The following AGAP1 variants were observed in gnomAD, a reference collection of about 807,000 sequenced individuals.
The protein encoded by AGAP1 is arf-GAP with GTPase, ANK repeat and PH domain-containing protein 1.
Under a neutral mutation model 105.3 loss-of-function variants are expected in AGAP1, and 29 were observed. That is an observed-to-expected ratio of 0.28 (90% CI 0.21 to 0.38). The LOEUF is 0.38. Among genes scored for constraint, AGAP1 ranks in the 10% least tolerant of loss-of-function variants. The pLI is 1.00. For synonymous variants in AGAP1, 509 were observed against 485.9 expected, an observed-to-expected ratio of 1.05 and a Z score of -0.63; for missense variants, 998 against 1,165.1, an observed-to-expected ratio of 0.86 and a Z score of 2.09.
rs1239057954 is a variant in AGAP1, at chr2:235,610,450, G to A, written c.164-98729G>A. Among the ~76,000 whole-genome samples, 1 of 152,152 alleles carries A rather than the reference G, an allele frequency of 6.6e-6. No individual in the cohort carries two copies. Among genetic ancestry groups the A allele is most frequent in the Non-Finnish European group, 1.5e-5 (1 of 68,032 alleles). The stretch of plus-strand genomic sequence containing the variant: ...TGGACTCTGGAGAGACTCTTGTCCT[G>A]ACTTCTAGATGTCTGCCTTCTTGCT... On this transcript the variant is annotated intron_variant, in intron 1 of 17. Coordinates refer to ENST00000304032, the MANE Select transcript of AGAP1 (RefSeq NM_001037131.3). This position sits in a 1 kb window ranked among gnomAD's most constrained non-coding sequence, Gnocchi z 4.9.
chr2:235,602,792 C>T (rs1459983693), intron 1 of AGAP1, among the ~76,000 whole-genome samples: 1 of 152,188 alleles, frequency 6.6e-6, no homozygotes, highest in East Asian at 1.9e-4. Flanking sequence ...ACCTCCGCCT[C>T]CTGGGTTCAA....
In AGAP1 at chr2:236,092,126, G is replaced by C. The variant is rs1410350086; in HGVS notation, c.2115-28066G>C. On this transcript the variant is annotated intron_variant, in intron 16 of 17. Transcript: ENST00000304032. The surrounding 1 kb of genome is among the most constrained non-coding windows in gnomAD (Gnocchi z 4.7). ...TTGTCCAGGGTTAGGGATGGAGAGG[G>C]TGGGTGAGGTTTTAGAAAGGCAACA... Among the ~76,000 whole-genome samples, 2 of 152,212 alleles carry C rather than the reference G, an allele frequency of 1.3e-5. No individual in the cohort carries two copies. The highest frequency in any genetic ancestry group is 2.9e-5 in the Non-Finnish European group (2 of 68,046).
intron 16 of AGAP1, among the ~76,000 whole-genome samples, chr2:236,115,167 G>A (rs985643567): frequency 1.3e-5 from 2 of 152,194 alleles, no homozygotes; most frequent in Admixed American, 1.3e-4. Context: ...CCGCTTCCAC[G>A]GGTGAGCTCC....
intron 9 of AGAP1, among the ~76,000 whole-genome samples, chr2:235,827,509 T>C (rs1188581332): frequency 6.6e-6 from 1 of 152,190 alleles, no homozygotes; most frequent in Non-Finnish European, 1.5e-5. Flanking sequence ...ATGGTTCACA[T>C]TGAGTAGGTG....
At chr2:235,897,686 C>T (rs2050871625) in intron 10 of AGAP1, among the ~76,000 whole-genome samples, 1 of 152,066 alleles carries the variant, frequency 6.6e-6, no homozygotes, top group African/African-American at 2.4e-5. Flanking sequence ...AAATCAAATC[C>T]CTCTGGTTTC....
chr2:235,938,725 A>T (rs939054825), intron 12 of AGAP1, among the ~76,000 whole-genome samples: 2 of 152,092 alleles, frequency 1.3e-5, no homozygotes, highest in Admixed American at 6.5e-5. Flanking sequence ...TTCGGGGGCC[A>T]CATTTTGAGA....
At chr2:235,897,523 G>A (rs1019475375) in intron 10 of AGAP1, among the ~76,000 whole-genome samples, 1 of 152,180 alleles carries the variant, frequency 6.6e-6, no homozygotes, top group African/African-American at 2.4e-5. Context: ...TAAGCTTCCA[G>A]TGGAATCCAA....
rs1282181907 is a variant in AGAP1 at position 235,712,545 on chromosome 2, A to G, written c.222+3308A>G. Reference sequence around the variant, plus strand: ...GTGTTTTCATTGAACTCCAACTGGAATTTTTACTAAAAGCCTTGATTTCCT... The same window carrying G: ...GTGTTTTCATTGAACTCCAACTGGAGTTTTTACTAAAAGCCTTGATTTCCT... On this transcript the variant is annotated intron_variant, in intron 2 of 17. Transcript: ENST00000304032. The surrounding 1 kb of genome is among the most constrained non-coding windows in gnomAD (Gnocchi z 6.0). Among the ~76,000 whole-genome samples the G allele has an allele frequency of 6.6e-6, 1 of 152,220 alleles. No individual in the cohort carries two copies. Among genetic ancestry groups the G allele is most frequent in the African/African-American group, 2.4e-5 (1 of 41,462 alleles).
rs981431537 is a variant in AGAP1 at position 235,973,797 on chromosome 2, A to G, written c.1645+5174A>G. 3.3e-5 allele frequency among the ~76,000 whole-genome samples: 5 copies of G among 152,114 alleles called. No homozygotes were observed. The highest frequency in any genetic ancestry group is 9.7e-5 in the African/African-American group (4 of 41,434). On this transcript the variant is annotated intron_variant, in intron 13 of 17. Coordinates refer to ENST00000304032, the MANE Select transcript of AGAP1 (RefSeq NM_001037131.3). The surrounding 1 kb of genome is among the most constrained non-coding windows in gnomAD (Gnocchi z 4.7). Reference sequence around the variant, plus strand: ...GACCCCGACCCTGCATGGGGTCGGCATGGGTTGGACCAGGGCAGAGGAACC... The same window carrying G: ...GACCCCGACCCTGCATGGGGTCGGCGTGGGTTGGACCAGGGCAGAGGAACC...
intron 16 of AGAP1, among the ~76,000 whole-genome samples, chr2:236,079,929 G>C (rs546679580): frequency 1.6e-4 from 24 of 152,212 alleles, no homozygotes; most frequent in Non-Finnish European, 2.9e-4. Flanking sequence ...TCACGGAGCT[G>C]GTCTAAGATA....
At chr2:235,852,432 G>A (rs977444822) in intron 9 of AGAP1, among the ~76,000 whole-genome samples, 1 of 152,256 alleles carries the variant, frequency 6.6e-6, no homozygotes, top group Admixed American at 6.5e-5. Flanking sequence ...GCCGCCTTTT[G>A]ACAGGCGCCT....
In AGAP1 at chr2:235,608,555, T is replaced by G. The variant is rs1223188001; in HGVS notation, c.164-100624T>G. Among the ~76,000 whole-genome samples, 1 of 152,134 alleles carries G rather than the reference T, an allele frequency of 6.6e-6. No individual in the cohort carries two copies. Among genetic ancestry groups the G allele is most frequent in the Non-Finnish European group, 1.5e-5 (1 of 68,034 alleles). ...CTGCCTCTCCCAGTGAGACCAACCC[T>G]GCCCTCTGGACGGATGGAAGGACAC... On this transcript the variant is annotated intron_variant, in intron 1 of 17. Coordinates refer to ENST00000304032, the MANE Select transcript of AGAP1 (RefSeq NM_001037131.3). This position sits in a 1 kb window ranked among gnomAD's most constrained non-coding sequence, Gnocchi z 5.4.
intron 10 of AGAP1, among the ~76,000 whole-genome samples, chr2:235,884,965 C>T (rs1417115396): frequency 6.6e-6 from 1 of 152,108 alleles, no homozygotes; most frequent in African/African-American, 2.4e-5. Flanking sequence ...TGCCTAACCT[C>T]GCCTTCCCAA....
At chr2:235,815,830 A>G (rs1958421094) in intron 9 of AGAP1, among the ~76,000 whole-genome samples, 1 of 152,200 alleles carries the variant, frequency 6.6e-6, no homozygotes, top group Non-Finnish European at 1.5e-5. Flanking sequence ...ACGAATCCTT[A>G]TACCAGGTGC....
intron 9 of AGAP1, among the ~76,000 whole-genome samples, chr2:235,860,518 G>T (rs2106507392): frequency 6.6e-6 from 1 of 152,234 alleles, no homozygotes; most frequent in Middle Eastern, 3.4e-3. Flanking sequence ...GTTAACAGGA[G>T]TCTAACAAAT....
chr2:235,909,054 T>C (rs1000360437), intron 11 of AGAP1, 148 bp downstream of exon 11: 2 of 807,420 alleles, frequency 2.5e-6, no homozygotes, highest in Admixed American at 3.0e-5. Flanking sequence ...CTTCTGTGGC[T>C]GATCATTTCC....
In AGAP1 at chr2:235,663,094, G is replaced by A. The variant is rs1948014785; in HGVS notation, c.164-46085G>A. ...AATCCCAGCACTTTGGGAGGCCGAG[G>A]CGGGTGGATCATCTGAGGTCAGCCT... is the stretch of plus-strand genomic sequence containing the variant. On this transcript the variant is annotated intron_variant, in intron 1 of 17. Transcript: ENST00000304032. This position sits in a 1 kb window ranked among gnomAD's most constrained non-coding sequence, Gnocchi z 5.4. 6.6e-6 allele frequency among the ~76,000 whole-genome samples: 1 copy of A among 152,134 alleles called. No individual in the cohort carries two copies. Among genetic ancestry groups the A allele is most frequent in the African/African-American group, 2.4e-5 (1 of 41,428 alleles).
In AGAP1 at chr2:236,078,657, A is replaced by C. The variant is rs2058705572; in HGVS notation, c.2114+29376A>C. ...CTGAGCAGCGTGCTAGCATTTCTTG[A>C]CTCCAGATGGGTTTCACACACGTCT... On this transcript the variant is annotated intron_variant, in intron 16 of 17. Coordinates refer to ENST00000304032, the MANE Select transcript of AGAP1 (RefSeq NM_001037131.3). The surrounding 1 kb of genome is among the most constrained non-coding windows in gnomAD (Gnocchi z 5.3). 6.6e-6 allele frequency among the ~76,000 whole-genome samples: 1 copy of C among 152,038 alleles called. No homozygotes were observed. Among genetic ancestry groups the C allele is most frequent in the Non-Finnish European group, 1.5e-5 (1 of 68,002 alleles).
rs1944345773 is a variant in AGAP1 at position 235,566,328 on chromosome 2, TA to T, written c.163+71482del. On this transcript the variant is annotated intron_variant, in intron 1 of 17. Transcript: ENST00000304032. The surrounding 1 kb of genome is among the most constrained non-coding windows in gnomAD (Gnocchi z 5.2). ...CTGGTCTCGAACTGCCTTGGCCTCC[TA>T]AAGTGTTGGGATTACAGATATAAGC... 6.6e-6 allele frequency among the ~76,000 whole-genome samples: 1 copy of T among 152,170 alleles called. No individual in the cohort carries two copies. Among genetic ancestry groups the T allele is most frequent in the Admixed American group, 6.5e-5 (1 of 15,278 alleles).
Sources: gnomAD v4.1 joint callset for allele counts (sites outside exome capture counted in the v4.1 genomes callset) on GRCh38, gnomAD v4.1.1 for gene constraint, Gnocchi (gnomAD v3.1) non-coding constraint, MANE v1.5 for transcripts, NCBI Gene and HGNC (gene_info 2026-07-23, HGNC 2026-07-21) for gene names.